Variants in CDC5L observed in about 807,000 individuals in gnomAD.
CDC5L encodes cell division cycle 5-like protein.
A neutral mutation model predicts 104.1 loss-of-function variants in CDC5L; 18 were observed. That is an observed-to-expected ratio of 0.17 (90% CI 0.12 to 0.26). The LOEUF (loss-of-function observed/expected upper bound fraction) is 0.26, where lower values mean the gene tolerates loss of function less well. Ranked by LOEUF, CDC5L falls within the 10% of genes least tolerant of loss-of-function variation. CDC5L has a pLI of 1.00. For missense variants in CDC5L, 673 were observed against 956.9 expected, an observed-to-expected ratio of 0.70 and a Z score of 3.91; for synonymous variants, 331 against 322.7, an observed-to-expected ratio of 1.03 and a Z score of -0.28.
chr6:44,407,145 T>C (rs1163795579), intron 7 of CDC5L, among the ~76,000 whole-genome samples: 2 of 152,196 alleles, frequency 1.3e-5, no homozygotes, highest in Non-Finnish European at 2.9e-5. Context: ...TTTGTGGACT[T>C]TAAGCTGCCT....
At position 44,422,801 on chromosome 6, in the gene CDC5L, A is replaced by C; in HGVS notation, c.1396A>C (p.Lys466Gln). 1 of 1,598,886 alleles carries C rather than the reference A, an allele frequency of 6.3e-7. No homozygotes were observed. Among genetic ancestry groups the C allele is most frequent in the Non-Finnish European group, 8.5e-7 (1 of 1,174,472 alleles). Residue 466 changes from lysine (K) to glutamine (Q), a missense_variant, in exon 10 of 16, where the codon AAG becomes CAG. By Grantham distance (53) the Lys-to-Gln change is moderately conservative. This residue lies in a region of CDC5L where 578 missense variants were observed against 737.0 expected (regional missense o/e 0.78). Coordinates refer to ENST00000371477, the MANE Select transcript of CDC5L (RefSeq NM_001253.4). ...AGACTATAGTGATCCCTCTTACGTG[A>C]AGCAGATGGTAAATGTCAATTCCCT... ...MADYSDPSYV[K>Q]QMERESREHL...
At chr6:44,400,276 T>C (rs1345350343) in intron 5 of CDC5L, among the ~76,000 whole-genome samples, 1 of 152,244 alleles carries the variant, frequency 6.6e-6, no homozygotes. Flanking sequence ...TTTGCATGTC[T>C]TATAATTTTT....
At chr6:44,436,776 G>T (rs564438879) in intron 14 of CDC5L, among the ~76,000 whole-genome samples, 1 of 151,952 alleles carries the variant, frequency 6.6e-6, no homozygotes, top group Non-Finnish European at 1.5e-5. Flanking sequence ...ATAGAATTAC[G>T]GTGCGTGAAA....
intron 8 of CDC5L, among the ~76,000 whole-genome samples, chr6:44,419,038 A>G (rs1413535509): frequency 1.3e-5 from 2 of 151,736 alleles, no homozygotes; most frequent in Non-Finnish European, 2.9e-5. Context: ...TTTTGTTGCC[A>G]TTGCTTTTGG....
At chr6:44,409,689 G>A (rs936880426) in intron 8 of CDC5L, among the ~76,000 whole-genome samples, 6 of 152,180 alleles carry the variant, frequency 3.9e-5, no homozygotes, top group African/African-American at 1.2e-4. Context: ...ACTTTAGATA[G>A]TCTCATCTTT....
chr6:44,394,989 A>G (rs1790803188), intron 4 of CDC5L, among the ~76,000 whole-genome samples: 1 of 151,494 alleles, frequency 6.6e-6, no homozygotes. Context: ...AGTAGAAGTC[A>G]TTATGTTCAG....
At chr6:44,429,023 T>C (rs1031492535) in intron 13 of CDC5L, among the ~76,000 whole-genome samples, 10 of 143,566 alleles carry the variant, frequency 7.0e-5, no homozygotes, top group South Asian at 2.3e-4. Flanking sequence ...AGCTTTTTTT[T>C]TTTTTTTTTT....
intron 5 of CDC5L, among the ~76,000 whole-genome samples, chr6:44,401,110 G>T (rs910853522): frequency 5.3e-5 from 8 of 152,264 alleles, no homozygotes; most frequent in African/African-American, 1.9e-4. Context: ...GTACCCTTAG[G>T]CTAGAACTTC....
intron 8 of CDC5L, among the ~76,000 whole-genome samples, chr6:44,414,529 G>A (rs865795486): frequency 6.6e-6 from 1 of 150,782 alleles, no homozygotes; most frequent in Non-Finnish European, 1.5e-5. Context: ...TAGAGACAGG[G>A]TCTTGCTGGT....
chr6:44,392,667 G>T lies in CDC5L; in HGVS notation c.150G>T (p.Trp50Cys), dbSNP rs1438434841. Reference protein sequence around the residue: ...RKSAKQCKARWYEWLDPSIKK... With the variant: ...RKSAKQCKARCYEWLDPSIKK... Reference sequence around the variant, plus strand: ...ATATAAAATGATCTATGTTTAATAGGTATGAATGGCTGGATCCAAGCATTA... The same window carrying T: ...ATATAAAATGATCTATGTTTAATAGTTATGAATGGCTGGATCCAAGCATTA... The change falls in exon 3 of 16, where the codon TGG becomes TGT. Residue 50 changes from tryptophan to cysteine, a missense_variant and splice_region_variant. Around this residue, in one of 4 missense-constraint regions of CDC5L, gnomAD observed 74 missense variants for 123.5 expected, o/e 0.60. Coordinates refer to ENST00000371477, the MANE Select transcript of CDC5L (RefSeq NM_001253.4). 6.2e-7 allele frequency: 1 copy of T among 1,613,498 alleles called. No individual in the cohort carries two copies. The highest frequency in any genetic ancestry group is 1.7e-5 in the Admixed American group (1 of 59,984).
chr6:44,445,563 C>T (rs1793409908), intron 14 of CDC5L, 92 bp from the exon 15 acceptor site: 3 of 785,756 alleles, frequency 3.8e-6, no homozygotes, highest in Non-Finnish European at 6.2e-6. Flanking sequence ...TGCTTTGAGA[C>T]ACATACATGA....
At chr6:44,431,667 A>C (rs990473286) in intron 14 of CDC5L, among the ~76,000 whole-genome samples, 3 of 152,178 alleles carry the variant, frequency 2.0e-5, no homozygotes, top group African/African-American at 7.2e-5. Context: ...ACTAACTTTC[A>C]TGACAGCAAA....
At chr6:44,434,960 G>A (rs1044698099) in intron 14 of CDC5L, among the ~76,000 whole-genome samples, 24 of 151,934 alleles carry the variant, frequency 1.6e-4, no homozygotes, top group African/African-American at 2.4e-4. Context: ...ATTTCTAGGC[G>A]TCTTTCTATA....
At chr6:44,388,834 G>C (rs994227448) in intron 1 of CDC5L, among the ~76,000 whole-genome samples, 1 of 152,074 alleles carries the variant, frequency 6.6e-6, no homozygotes, top group Non-Finnish European at 1.5e-5. Context: ...GTTAAAACTT[G>C]CTTTGTCTTT....
chr6:44,413,927 T>G (rs1467335131), intron 8 of CDC5L, among the ~76,000 whole-genome samples: 1 of 152,130 alleles, frequency 6.6e-6, no homozygotes, highest in Non-Finnish European at 1.5e-5. Context: ...TTCTAATTCT[T>G]TACATCCTCA....
chr6:44,411,633 A>T (rs372257092), intron 8 of CDC5L, among the ~76,000 whole-genome samples: 3,004 of 57,994 alleles, frequency 0.052, 50 homozygotes, highest in Middle Eastern at 0.077. Context: ...AGAGAGAGAG[A>T]GAGAGTGTGT....
intron 8 of CDC5L, among the ~76,000 whole-genome samples, chr6:44,411,626 G>C (rs1791630711): frequency 1.4e-5 from 1 of 71,336 alleles, no homozygotes; most frequent in African/African-American, 5.1e-5. Flanking sequence ...GAGAGAGAGA[G>C]AGAGAGAGAG....
intron 4 of CDC5L, among the ~76,000 whole-genome samples, chr6:44,394,341 A>C (rs1017353127): frequency 3.3e-5 from 5 of 152,172 alleles, no homozygotes; most frequent in Admixed American, 1.3e-4. Flanking sequence ...CCTGTTTCTC[A>C]TTCCTATTCC....
intron 14 of CDC5L, chr6:44,435,552 A>C (rs1485257317): frequency 6.5e-6 from 1 of 153,686 alleles, no homozygotes; most frequent in Admixed American, 6.6e-5. Context: ...TTTTTCAGGC[A>C]TGTTTGCATT....
Sources: allele counts gnomAD v4.1 joint callset (sites outside exome capture counted in the v4.1 genomes callset), GRCh38; gene constraint gnomAD v4.1.1; regional missense constraint gnomAD v4.1.1; transcripts MANE v1.5; gene names NCBI Gene and HGNC (gene_info 2026-07-23, HGNC 2026-07-21).